MYLK: variants seen among roughly 807,000 people sequenced by gnomAD.
MYLK encodes myosin light chain kinase.
A neutral mutation model predicts 203.4 loss-of-function variants in MYLK; 106 were observed. The observed-to-expected ratio is 0.52, with a 90% CI of 0.45 to 0.61. MYLK has a LOEUF of 0.61. Among genes scored for constraint, MYLK ranks in the 20% least tolerant of loss-of-function variants. The pLI is 0.00. For synonymous variants in MYLK, 867 were observed against 959.5 expected (o/e 0.90, Z 1.78); for missense variants, 2,072 against 2,442.3 (o/e 0.85, Z 3.20).
At chr3:123,647,177 T>G in intron 27 of MYLK, 47 bp downstream of exon 27, 1 of 1,575,546 alleles carries the variant, frequency 6.3e-7, no homozygotes, top group African/African-American at 1.3e-5. Flanking sequence ...GGAGACACGT[T>G]TGGGGGCTCC....
chr3:123,620,509 A>G (rs533809644), intron 31 of MYLK, 173 bp from the exon 32 acceptor site: 18 of 1,493,718 alleles, frequency 1.2e-5, no homozygotes, highest in Middle Eastern at 2.5e-4. Context: ...TGCTCTGCTC[A>G]GCACTGTCAG....
intron 4 of MYLK, among the ~76,000 whole-genome samples, chr3:123,783,780 TTTTTC>T (rs1475592034): frequency 9.9e-5 from 15 of 152,222 alleles, no homozygotes; most frequent in Non-Finnish European, 2.9e-5. Flanking sequence ...ACATAATCTT[TTTTTC>T]TTTTAATTAT....
At chr3:123,659,218 C>G (rs890727449) in intron 23 of MYLK, among the ~76,000 whole-genome samples, 2 of 152,192 alleles carry the variant, frequency 1.3e-5, no homozygotes, top group Non-Finnish European at 2.9e-5. Flanking sequence ...CACTATTCCT[C>G]CCAGAGAAGA....
At chr3:123,830,999 G>A (rs1449081859) in intron 3 of MYLK, among the ~76,000 whole-genome samples, 1 of 152,206 alleles carries the variant, frequency 6.6e-6, no homozygotes, top group East Asian at 1.9e-4. Flanking sequence ...GAGTGCAGGT[G>A]ACCAGGTTAT....
chr3:123,842,595 T>C (rs2066620218), intron 2 of MYLK, among the ~76,000 whole-genome samples: 1 of 45,214 alleles, frequency 2.2e-5, no homozygotes, highest in East Asian at 2.2e-3. Flanking sequence ...ATAATGCAAG[T>C]CTCAACAAAT....
At chr3:123,768,601 A>G (rs2063778594) in intron 4 of MYLK, among the ~76,000 whole-genome samples, 1 of 152,242 alleles carries the variant, frequency 6.6e-6, no homozygotes, top group Admixed American at 6.5e-5. Context: ...GGGGACCCAG[A>G]TCCACCTCTA....
intron 2 of MYLK, among the ~76,000 whole-genome samples, chr3:123,845,196 T>C (rs987727836): frequency 4.6e-5 from 7 of 152,178 alleles, no homozygotes; most frequent in Non-Finnish European, 8.8e-5. Flanking sequence ...GGAAAGGGGC[T>C]GCACAGGGCA....
chr3:123,671,498 G>A (rs1159546917), intron 20 of MYLK, among the ~76,000 whole-genome samples: 1 of 152,198 alleles, frequency 6.6e-6, no homozygotes, highest in Admixed American at 6.5e-5. Flanking sequence ...AAGGGTAGAG[G>A]ACAGATGCTG....
chr3:123,831,847 G>A (rs1285398655), intron 2 of MYLK, among the ~76,000 whole-genome samples, 177 bp from the exon 3 acceptor site: 1 of 152,170 alleles, frequency 6.6e-6, no homozygotes, highest in Non-Finnish European at 1.5e-5. Flanking sequence ...TACGTTTAGA[G>A]TTCAGGAACA....
chr3:123,646,378 CTG>C (rs1213216038), intron 27 of MYLK, among the ~76,000 whole-genome samples: 1 of 152,184 alleles, frequency 6.6e-6, no homozygotes, highest in East Asian at 1.9e-4. Flanking sequence ...AGACTTTTCA[CTG>C]TGTATTTCCT....
chr3:123,804,475 G>A (rs2065301833), intron 3 of MYLK, among the ~76,000 whole-genome samples: 1 of 152,268 alleles, frequency 6.6e-6, no homozygotes, highest in Middle Eastern at 3.4e-3. Context: ...GAAGGTGCAG[G>A]AAGGAAATGC....
At chr3:123,733,211 G>A (rs1207121716) in intron 10 of MYLK, 109 bp from the exon 11 acceptor site, 1 of 1,225,550 alleles carries the variant, frequency 8.2e-7, no homozygotes, top group Non-Finnish European at 1.2e-6. Context: ...AGTTTGGTGT[G>A]GAGCTGCCCT....
intron 29 of MYLK, among the ~76,000 whole-genome samples, chr3:123,630,981 G>A (rs975834896): frequency 2.6e-5 from 4 of 152,152 alleles, no homozygotes; most frequent in African/African-American, 7.2e-5. Flanking sequence ...CAGGCCCTGT[G>A]CTTGGTTTAA....
rs769322491 is a variant in MYLK at position 123,700,615 on chromosome 3, G to A, written c.2853C>T (p.Val951=). 7 of 1,613,722 alleles carry A rather than the reference G, an allele frequency of 4.3e-6. No individual in the cohort carries two copies. The South Asian group carries it at 5.5e-5, about 13-fold the overall frequency. The change falls in exon 18 of 34, where the codon GTC becomes GTT. Residue 951 remains valine (V), a synonymous_variant. Coordinates refer to ENST00000360304, the MANE Select transcript of MYLK (RefSeq NM_053025.4). The part of the protein sequence containing the change: ...EERKVHSPQQ[V]DFRSVLAKKG... Reference sequence around the variant, plus strand: ...TCTTGGCCAGGACAGAGCGAAAATCGACCTGCTGGGGGCTGTGCACCTTCC... The same window carrying A: ...TCTTGGCCAGGACAGAGCGAAAATCAACCTGCTGGGGGCTGTGCACCTTCC...
intron 20 of MYLK, among the ~76,000 whole-genome samples, chr3:123,678,671 A>G (rs1324837642): frequency 6.6e-6 from 1 of 152,028 alleles, no homozygotes; most frequent in Non-Finnish European, 1.5e-5. Flanking sequence ...ACACACACAC[A>G]GCCAGATCAC....
intron 24 of MYLK, among the ~76,000 whole-genome samples, chr3:123,653,023 A>G (rs1190032876): frequency 1.3e-5 from 2 of 152,180 alleles, no homozygotes; most frequent in African/African-American, 4.8e-5. Flanking sequence ...GGGCTAGGGT[A>G]CCAACAGGGA....
At chr3:123,743,802 T>G (rs1560162646) in intron 5 of MYLK, among the ~76,000 whole-genome samples, 1 of 152,214 alleles carries the variant, frequency 6.6e-6, no homozygotes, top group Non-Finnish European at 1.5e-5. Context: ...GGTCAGAACA[T>G]ACTGCTCAAA....
At chr3:123,625,468 G>C (rs186629718) in intron 31 of MYLK, among the ~76,000 whole-genome samples, 1 of 133,804 alleles carries the variant, frequency 7.5e-6, no homozygotes, top group Admixed American at 7.5e-5. Context: ...ACTTTGTCTC[G>C]AGGAAAAAAA....
intron 5 of MYLK, among the ~76,000 whole-genome samples, chr3:123,750,192 C>G (rs1311030759): frequency 2.0e-5 from 3 of 152,240 alleles, no homozygotes; most frequent in African/African-American, 7.2e-5. Flanking sequence ...AGGCTGTTCT[C>G]TATCTCCTAG....
Sources: gnomAD v4.1 joint callset for allele counts (sites outside exome capture counted in the v4.1 genomes callset) on GRCh38, gnomAD v4.1.1 for gene constraint, MANE v1.5 for transcripts, NCBI Gene and HGNC (gene_info 2026-07-23, HGNC 2026-07-21) for gene names.